AKAP1: variants seen among roughly 807,000 people sequenced by gnomAD.
The protein encoded by AKAP1 is A-kinase anchoring protein 1, also known as A-kinase anchor protein 1, mitochondrial.
A neutral mutation model predicts 79.8 loss-of-function variants in AKAP1; 32 were observed. The ratio of observed to expected loss-of-function variants is 0.40; its 90% confidence interval spans 0.30 to 0.54. AKAP1 has a LOEUF of 0.54. Among genes scored for constraint, AKAP1 ranks in the 20% least tolerant of loss-of-function variants. AKAP1 has a pLI of 0.47. For synonymous variants in AKAP1, 416 were observed against 466.7 expected (o/e 0.89, Z 1.40); for missense variants, 961 against 1,138.9 (o/e 0.84, Z 2.25).
intron 10 of AKAP1, among the ~76,000 whole-genome samples, chr17:57,119,418 A>G (rs1181811576): frequency 6.6e-6 from 1 of 152,158 alleles, no homozygotes; most frequent in Non-Finnish European, 1.5e-5. Context: ...TCAGCATATT[A>G]AAAAGCCTAT....
intron 5 of AKAP1, 98 bp from the exon 6 acceptor site, chr17:57,114,361 A>T (rs1052991537): frequency 6.9e-7 from 1 of 1,454,480 alleles, no homozygotes; most frequent in Non-Finnish European, 9.3e-7. Context: ...CTTTTCAAAG[A>T]TATGCTAGCC....
At chr17:57,104,688 A>G (rs916193752) in intron 1 of AKAP1, among the ~76,000 whole-genome samples, 2 of 152,268 alleles carry the variant, frequency 1.3e-5, no homozygotes, top group Non-Finnish European at 1.5e-5. Context: ...AGAGTAGCGC[A>G]TCACCTATTG....
intron 2 of AKAP1, among the ~76,000 whole-genome samples, chr17:57,109,466 C>T (rs776022587): frequency 7.2e-5 from 11 of 152,210 alleles, no homozygotes; most frequent in Admixed American, 1.3e-4. Context: ...GAGGAACGAG[C>T]GGGTCCCCGC....
At chr17:57,116,028 C>T (rs903217709) in intron 6 of AKAP1, 83 bp from the exon 7 acceptor site, 95 of 1,517,266 alleles carry the variant, frequency 6.3e-5, no homozygotes, top group Non-Finnish European at 8.1e-5. Flanking sequence ...AGAGGTAACG[C>T]AGGGAGGTGG....
chr17:57,102,131 C>G (rs188366905), intron 1 of AKAP1, among the ~76,000 whole-genome samples: 2 of 152,040 alleles, frequency 1.3e-5, no homozygotes, highest in Admixed American at 6.5e-5. Flanking sequence ...AGGGACTAGT[C>G]TCACTGTGTT....
intron 1 of AKAP1, among the ~76,000 whole-genome samples, chr17:57,104,665 C>T (rs977539544): frequency 2.6e-5 from 4 of 152,218 alleles, no homozygotes; most frequent in Admixed American, 6.5e-5. Context: ...TGACTGGGAG[C>T]TAGCATTGCG....
At position 57,116,163 on chromosome 17, in the gene AKAP1, A is replaced by G. The variant is rs1279451813; in HGVS notation, c.2334A>G (p.Gln778=). Residue 778 remains glutamine (Q), a synonymous_variant, in exon 7 of 11, where the codon CAA becomes CAG. Coordinates refer to ENST00000337714, the MANE Select transcript of AKAP1 (RefSeq NM_003488.4). ...PGADGAWWRA[Q]VVASYEETNE... is the part of the protein sequence containing the mutation. ...CGGACGGGGCCTGGTGGCGAGCCCA[A>G]GTGGTTGCCTCCTACGAGGAGACCA... 3 of 1,614,014 alleles carry G rather than the reference A, an allele frequency of 1.9e-6. No individual in the cohort carries two copies. Among genetic ancestry groups the G allele is most frequent in the East Asian group, 2.2e-5 (1 of 44,886 alleles).
chr17:57,119,830 CT>C lies in AKAP1; in HGVS notation c.2638-400del, dbSNP rs3054874. Among the ~76,000 whole-genome samples, 186 of 70,312 alleles carry C rather than the reference CT, an allele frequency of 2.6e-3. 11 individuals are homozygous for C. Among genetic ancestry groups the C allele is most frequent in the South Asian group, 9.5e-3 (15 of 1,582 alleles). 46.1% of individuals were successfully genotyped at this position (70,312 alleles called of 152,430 possible). Reference sequence around the variant, plus strand: ...AAGCCATGTCCCCCACCCTGTTACTCTTTTTTTTTTTTTTTTTTTTGAGACA... The same window carrying C: ...AAGCCATGTCCCCCACCCTGTTACTCTTTTTTTTTTTTTTTTTTTGAGACA... On this transcript the variant is annotated intron_variant, in intron 10 of 10. Coordinates refer to ENST00000337714, the MANE Select transcript of AKAP1 (RefSeq NM_003488.4).
chr17:57,105,877 G>C lies in AKAP1; in HGVS notation c.413G>C (p.Gly138Ala). The C allele has an allele frequency of 6.2e-7, 1 of 1,614,234 alleles. No homozygotes were observed. The highest frequency in any genetic ancestry group is 1.1e-5 in the South Asian group (1 of 91,088). Residue 138 changes from glycine (G) to alanine (A), a missense_variant, in exon 2 of 11, where the codon GGT becomes GCT. Gly to Ala is a moderately conservative substitution (Grantham distance 60). Coordinates refer to ENST00000337714, the MANE Select transcript of AKAP1 (RefSeq NM_003488.4). ...STKLELALTG[G>A]EAKSIPLECP... Reference sequence around the variant, plus strand: ...AAGCTGGAGCTAGCCCTGACAGGTGGTGAAGCCAAATCGATTCCTCTAGAG... The same window carrying C: ...AAGCTGGAGCTAGCCCTGACAGGTGCTGAAGCCAAATCGATTCCTCTAGAG...
chr17:57,113,156 G>A (rs905233468), intron 5 of AKAP1, among the ~76,000 whole-genome samples: 1 of 152,174 alleles, frequency 6.6e-6, no homozygotes, highest in Non-Finnish European at 1.5e-5. Context: ...TTGGGAGGTT[G>A]CCCCAGGAGT....
chr17:57,116,323 G>C (rs887128767), intron 7 of AKAP1, 62 bp downstream of exon 7: 7 of 1,598,618 alleles, frequency 4.4e-6, no homozygotes, highest in Admixed American at 1.7e-5. Flanking sequence ...TGATCTCTGC[G>C]TGGCTGGCTC....
chr17:57,117,711 C>G (rs939203506), intron 8 of AKAP1, among the ~76,000 whole-genome samples: 1 of 152,178 alleles, frequency 6.6e-6, no homozygotes, highest in Non-Finnish European at 1.5e-5. Flanking sequence ...TTCTGTCCAT[C>G]TAAGCGATCT....
intron 1 of AKAP1, among the ~76,000 whole-genome samples, chr17:57,102,405 T>C (rs1914571784): frequency 6.6e-6 from 1 of 152,134 alleles, no homozygotes; most frequent in South Asian, 2.1e-4. Context: ...CCCACAGTTC[T>C]AGAATAATGG....
chr17:57,108,771 G>A (rs974757414), intron 2 of AKAP1, among the ~76,000 whole-genome samples: 2 of 152,240 alleles, frequency 1.3e-5, no homozygotes, highest in African/African-American at 4.8e-5. Flanking sequence ...GCTGGCCTTT[G>A]AGTGCAGCCT....
At chr17:57,088,794 C>T (rs1913607956) in intron 1 of AKAP1, among the ~76,000 whole-genome samples, 1 of 152,200 alleles carries the variant, frequency 6.6e-6, no homozygotes, top group Admixed American at 6.5e-5. Context: ...GCAGCCTTGT[C>T]CACATTCTGT....
chr17:57,113,549 G>T lies in AKAP1; in HGVS notation c.2104-910G>T, dbSNP rs187004168. Among the ~76,000 whole-genome samples, 1,194 of 148,446 alleles carry T rather than the reference G, an allele frequency of 8.0e-3. 8 individuals carry two copies. The highest frequency in any genetic ancestry group is 0.014 in the South Asian group (65 of 4,636). On this transcript the variant is annotated intron_variant, in intron 5 of 10. Coordinates refer to ENST00000337714, the MANE Select transcript of AKAP1 (RefSeq NM_003488.4). ...GAATACCACTTTATGCTTTACTCCT[G>T]AATCAAGAGTTTTTTCCCAGGAGGC...
chr17:57,115,686 C>A (rs1597990600), intron 6 of AKAP1, among the ~76,000 whole-genome samples: 2 of 152,188 alleles, frequency 1.3e-5, no homozygotes, highest in Non-Finnish European at 2.9e-5. Flanking sequence ...CTGGAGCACA[C>A]CCTAGGTATG....
chr17:57,093,865 T>TGCTGTGGGAGATAGGATTTA (rs1913930769), intron 1 of AKAP1: 1 of 152,110 alleles, frequency 6.6e-6, no homozygotes, highest in African/African-American at 2.4e-5. Context: ...TTTGTTTTTC[T>TGCTGTGGGAGATAGGATTTA]GCTGTGGGAG....
rs1913473211 is a variant in AKAP1, at chr17:57,086,550, G to A, written c.-25+1152G>A. On this transcript the variant is annotated intron_variant, in intron 1 of 10. Transcript: ENST00000337714. The surrounding 1 kb of genome is among the most constrained non-coding windows in gnomAD (Gnocchi z 5.1). ...GACTTCGCTCCAGGTGCGAGTCGAG[G>A]CCTCTCAAGCTGGGTAGGGTGTATG... 2.3e-6 allele frequency: 1 copy of A among 428,454 alleles called. No homozygotes were observed. The highest frequency in any genetic ancestry group is 4.6e-6 in the Non-Finnish European group (1 of 215,102). The allele number at this position is 428,454 out of a possible 1,614,324, so 26.5% of individuals were successfully genotyped here.
Sources: gnomAD v4.1 joint callset for allele counts (sites outside exome capture counted in the v4.1 genomes callset) on GRCh38, gnomAD v4.1.1 for gene constraint, Gnocchi (gnomAD v3.1) non-coding constraint, MANE v1.5 for transcripts, NCBI Gene and HGNC (gene_info 2026-07-23, HGNC 2026-07-21) for gene names.